GCNT1: variants seen among roughly 807,000 people sequenced by gnomAD.
GCNT1 encodes glucosaminyl (N-acetyl) transferase 1, also known as beta-1,3-galactosyl-O-glycosyl-glycoprotein beta-1,6-N-acetylglucosaminyltransferase.
Under a neutral mutation model 26.2 loss-of-function variants are expected in GCNT1, and 16 were observed. That is an observed-to-expected ratio of 0.61 (90% confidence interval 0.41 to 0.93). GCNT1 has a LOEUF of 0.93. Ranked by LOEUF, GCNT1 falls within the 40% of genes least tolerant of loss-of-function variation. GCNT1 has a pLI of 0.00. For missense variants in GCNT1, 477 were observed against 526.7 expected (o/e 0.91, Z 0.92); for synonymous variants, 183 against 190.8 (o/e 0.96, Z 0.34).
intron 1 of GCNT1, among the ~76,000 whole-genome samples, chr9:76,427,120 C>T (rs1381083890): frequency 6.6e-6 from 1 of 151,622 alleles, no homozygotes; most frequent in Non-Finnish European, 1.5e-5. Context: ...GAGAAAAGAT[C>T]ATCTGAGGAC....
chr9:76,424,287 A>G (rs1281359531), intron 1 of GCNT1, among the ~76,000 whole-genome samples: 1 of 152,244 alleles, frequency 6.6e-6, no homozygotes, highest in Non-Finnish European at 1.5e-5. Flanking sequence ...CAGTCTGTGC[A>G]GCAGGAGCCT....
chr9:76,430,509 G>A (rs948665026), intron 1 of GCNT1, among the ~76,000 whole-genome samples: 1 of 151,836 alleles, frequency 6.6e-6, no homozygotes, highest in Non-Finnish European at 1.5e-5. Context: ...AGCCTCCTCA[G>A]TAACTGGGAC....
chr9:76,446,627 T>C lies in GCNT1; in HGVS notation c.-290+4312T>C, dbSNP rs560720413. On this transcript the variant is annotated intron_variant, in intron 1 of 2. Coordinates refer to the GCNT1 transcript ENST00000442371. ...TGTGAAGACATTCACTGTAGCATTGTTTATAATAGCAAAAAACTGGAAACA... is the reference window on the plus strand; with the variant it reads ...TGTGAAGACATTCACTGTAGCATTGCTTATAATAGCAAAAAACTGGAAACA... 3.8e-3 allele frequency among the ~76,000 whole-genome samples: 583 copies of C among 152,248 alleles called. 3 individuals carry two copies. Among genetic ancestry groups the C allele is most frequent in the Non-Finnish European group, 7.2e-3 (487 of 68,012 alleles).
At chr9:76,477,509 G>A (rs150694140) in intron 2 of GCNT1, among the ~76,000 whole-genome samples, 4,267 of 116,256 alleles carry the variant, frequency 0.037, 203 homozygotes, top group African/African-American at 0.11. Flanking sequence ...CTGGGCGACA[G>A]AGTGAGACTC....
At chr9:76,498,892 A>C (rs945163122) in intron 2 of GCNT1, among the ~76,000 whole-genome samples, 8 of 152,196 alleles carry the variant, frequency 5.3e-5, no homozygotes, top group African/African-American at 1.9e-4. Context: ...AGAGTTACAA[A>C]GAAAATTACA....
At chr9:76,456,464 C>T (rs1223695914), upstream of GCNT1, among the ~76,000 whole-genome samples, 1 of 152,214 alleles carries the variant, frequency 6.6e-6, no homozygotes, top group Non-Finnish European at 1.5e-5. Flanking sequence ...CCCCTCTCCC[C>T]AGCTCTGTGC....
chr9:76,432,996 C>T (rs977651329), intron 1 of GCNT1, among the ~76,000 whole-genome samples: 8 of 152,140 alleles, frequency 5.3e-5, no homozygotes, highest in Non-Finnish European at 1.5e-5. Flanking sequence ...AAGCCCCATA[C>T]CCAGCCACAC....
intron 1 of GCNT1, among the ~76,000 whole-genome samples, chr9:76,443,914 AAAGGAAGAAAGGAAGAAAGG>A (rs1180911685): frequency 3.2e-3 from 208 of 65,762 alleles, no homozygotes; most frequent in African/African-American, 6.3e-3. Context: ...AGAAAGGAAG[AAAGGAAGAAAGGAAGAAAGG>A]AAGGAAGGAA....
chr9:76,393,967 G>C, the GCNT1 span: 1 of 840,566 alleles, frequency 1.2e-6, no homozygotes, highest in Non-Finnish European at 1.8e-6. Context: ...TGCGGGAGGA[G>C]GAAGGGTGTG....
chr9:76,417,373 C>G (rs139046220), upstream of GCNT1, among the ~76,000 whole-genome samples: 3 of 152,292 alleles, frequency 2.0e-5, no homozygotes, highest in East Asian at 1.9e-4. Context: ...AAATTTTCCT[C>G]TACCCACTAG....
the GCNT1 span, chr9:76,394,639 A>T: frequency 2.6e-5 from 4 of 154,824 alleles, no homozygotes; most frequent in Admixed American, 2.0e-4. Flanking sequence ...TAATGTCTGG[A>T]TCCCGGGCTT....
At chr9:76,408,133 C>T in the GCNT1 span, among the ~76,000 whole-genome samples, 4 of 152,216 alleles carry the variant, frequency 2.6e-5, no homozygotes, top group Non-Finnish European at 4.4e-5. Context: ...CTGTTTCTTT[C>T]CTTACTGCAT....
chr9:76,416,212 C>T (rs1346237894), upstream of GCNT1, among the ~76,000 whole-genome samples: 1 of 152,092 alleles, frequency 6.6e-6, no homozygotes. Flanking sequence ...ATCTGACTGT[C>T]GAGATGAGTT....
intron 2 of GCNT1, among the ~76,000 whole-genome samples, chr9:76,474,397 T>C (rs1224166929): frequency 6.6e-6 from 1 of 152,164 alleles, no homozygotes; most frequent in Non-Finnish European, 1.5e-5. Flanking sequence ...AGGAAGTCCT[T>C]TAAAAGCAAA....
chr9:76,436,268 G>C (rs1309851474), intron 1 of GCNT1, among the ~76,000 whole-genome samples: 5 of 151,938 alleles, frequency 3.3e-5, no homozygotes, highest in Admixed American at 6.6e-5. Context: ...AAGGGTGTTT[G>C]AGGAACATAC....
At chr9:76,497,362 A>G (rs1458427160) in intron 2 of GCNT1, among the ~76,000 whole-genome samples, 1 of 152,192 alleles carries the variant, frequency 6.6e-6, no homozygotes, top group Non-Finnish European at 1.5e-5. Flanking sequence ...TTCTTAGCCG[A>G]GTTTTACTTA....
At chr9:76,468,750 T>G (rs1354446334) in intron 2 of GCNT1, among the ~76,000 whole-genome samples, 2 of 152,172 alleles carry the variant, frequency 1.3e-5, no homozygotes, top group Non-Finnish European at 2.9e-5. Context: ...TCAGATATTT[T>G]GGGGAGAAGG....
intron 1 of GCNT1, among the ~76,000 whole-genome samples, chr9:76,448,976 AT>A (rs1823620699): frequency 6.6e-6 from 1 of 152,160 alleles, no homozygotes; most frequent in Admixed American, 6.5e-5. Flanking sequence ...TTGTTCATTT[AT>A]TTTATGTTTT....
chr9:76,442,602 A>G (rs1185047220), intron 1 of GCNT1, among the ~76,000 whole-genome samples: 1 of 152,060 alleles, frequency 6.6e-6, no homozygotes, highest in Non-Finnish European at 1.5e-5. Context: ...AACCACTTGA[A>G]CCCGTGAGGC....
Sources: allele counts gnomAD v4.1 joint callset (sites outside exome capture counted in the v4.1 genomes callset), GRCh38; gene constraint gnomAD v4.1.1; transcripts MANE v1.5; gene names NCBI Gene and HGNC (gene_info 2026-07-23, HGNC 2026-07-21).